ADAMTSL3: variants seen among roughly 807,000 people sequenced by gnomAD.
ADAMTSL3 encodes the protein ADAMTS-like protein 3.
Under a neutral mutation model 201.7 loss-of-function variants are expected in ADAMTSL3, and 128 were observed. That is an observed-to-expected ratio of 0.63 (90% CI 0.55 to 0.73). The LOEUF is 0.73. Among genes scored for constraint, ADAMTSL3 ranks in the 30% least tolerant of loss-of-function variants. The pLI is 0.00. For missense variants in ADAMTSL3, 1,990 were observed against 2,119.6 expected (o/e 0.94, Z 1.20); for synonymous variants, 738 against 748.4 (o/e 0.99, Z 0.23).
chr15:83,999,234 T>A (rs956715253), intron 23 of ADAMTSL3, among the ~76,000 whole-genome samples: 1 of 152,266 alleles, frequency 6.6e-6, no homozygotes. Context: ...ATTGTGTGAA[T>A]GTAGCATAAA....
chr15:83,924,593 G>C (rs1319339102), intron 17 of ADAMTSL3, among the ~76,000 whole-genome samples: 2 of 152,118 alleles, frequency 1.3e-5, no homozygotes, highest in African/African-American at 4.8e-5. Context: ...TTGGCTGATA[G>C]GTTTACCTTA....
intron 28 of ADAMTSL3, among the ~76,000 whole-genome samples, chr15:84,035,481 G>A (rs910668934): frequency 6.6e-6 from 1 of 152,086 alleles, no homozygotes; most frequent in African/African-American, 2.4e-5. Flanking sequence ...CATACCTACT[G>A]GGGAAAACAA....
chr15:83,698,717 C>T (rs1285222744), intron 2 of ADAMTSL3, among the ~76,000 whole-genome samples: 5 of 152,074 alleles, frequency 3.3e-5, no homozygotes, highest in African/African-American at 7.2e-5. Context: ...TTTCTGAAGC[C>T]GTGTGTGAAC....
intron 2 of ADAMTSL3, among the ~76,000 whole-genome samples, chr15:83,695,842 G>GA (rs1242528782): frequency 6.6e-6 from 1 of 152,028 alleles, no homozygotes; most frequent in Non-Finnish European, 1.5e-5. Flanking sequence ...CATTCTACTT[G>GA]AAAAACCAAA....
rs36062109 is a variant in ADAMTSL3, at chr15:83,853,906, C to CTCTATCTA, written c.728-4815_728-4808dup. ...TGGTTCATTATCCCTATCACTCTAT[C>CTCTATCTA]TCTATCTATCTATCTATCTATCTAT... is the stretch of plus-strand genomic sequence containing the variant. On this transcript the variant is annotated intron_variant, in intron 7 of 29. Transcript: ENST00000286744. 1.4e-3 allele frequency among the ~76,000 whole-genome samples: 203 copies of CTCTATCTA among 146,574 alleles called. 2 individuals are homozygous for CTCTATCTA. Among genetic ancestry groups the CTCTATCTA allele is most frequent in the Admixed American group, 3.6e-3 (53 of 14,544 alleles).
At chr15:83,871,118 G>T (rs1334842084) in intron 9 of ADAMTSL3, among the ~76,000 whole-genome samples, 159 bp downstream of exon 9, 1 of 152,178 alleles carries the variant, frequency 6.6e-6, no homozygotes, top group African/African-American at 2.4e-5. Context: ...CTTAAAAATT[G>T]TTCAGCACTC....
At chr15:83,970,328 A>T (rs1290025377) in intron 19 of ADAMTSL3, among the ~76,000 whole-genome samples, 156 bp from the exon 20 acceptor site, 1 of 152,142 alleles carries the variant, frequency 6.6e-6, no homozygotes, top group Non-Finnish European at 1.5e-5. Context: ...GAAACTCTCC[A>T]TGACATAAAA....
At chr15:83,725,036 C>T (rs895230831) in intron 3 of ADAMTSL3, among the ~76,000 whole-genome samples, 1 of 151,764 alleles carries the variant, frequency 6.6e-6, no homozygotes, top group Admixed American at 6.6e-5. Context: ...GATATCTCTT[C>T]GATATACTGA....
chr15:83,725,536 G>C lies in ADAMTSL3; in HGVS notation c.189+21028G>C, dbSNP rs539281798. Among the ~76,000 whole-genome samples the C allele has an allele frequency of 2.6e-5, 4 of 152,104 alleles. No homozygotes were observed. The South Asian group carries it at 8.3e-4, about 32-fold the overall frequency. ...AGTAGTTTCACAGTTTGAGGTCTTA[G>C]ACTTAAGAATTTAATCCATTTTGAT... On this transcript the variant is annotated intron_variant, in intron 3 of 29. Transcript: ENST00000286744.
At chr15:83,951,227 G>A (rs2066752122) in intron 19 of ADAMTSL3, among the ~76,000 whole-genome samples, 1 of 151,762 alleles carries the variant, frequency 6.6e-6, no homozygotes, top group African/African-American at 2.4e-5. Flanking sequence ...TTGTCATGAA[G>A]GGATGTTAAA....
chr15:83,928,770 G>A (rs1450257808), intron 17 of ADAMTSL3, among the ~76,000 whole-genome samples: 3 of 152,144 alleles, frequency 2.0e-5, no homozygotes, highest in African/African-American at 7.2e-5. Flanking sequence ...TTCAAGATAA[G>A]ATAACTTGAT....
chr15:83,792,523 C>A (rs2063359549), intron 4 of ADAMTSL3, among the ~76,000 whole-genome samples: 1 of 152,178 alleles, frequency 6.6e-6, no homozygotes, highest in African/African-American at 2.4e-5. Flanking sequence ...TGGGCTTATG[C>A]CTGTAATCCC....
At chr15:83,984,506 C>T (rs1367485005) in intron 21 of ADAMTSL3, among the ~76,000 whole-genome samples, 1 of 152,144 alleles carries the variant, frequency 6.6e-6, no homozygotes, top group Non-Finnish European at 1.5e-5. Context: ...AACCTTAAAA[C>T]ATAGCAGTTC....
chr15:83,940,741 A>C (rs568528293), intron 17 of ADAMTSL3, among the ~76,000 whole-genome samples: 1 of 152,174 alleles, frequency 6.6e-6, no homozygotes, highest in East Asian at 1.9e-4. Context: ...ATATATAACC[A>C]CATGCAAAAG....
intron 19 of ADAMTSL3, chr15:83,962,397 C>A (rs1307993873): frequency 6.6e-6 from 1 of 152,160 alleles, no homozygotes; most frequent in Non-Finnish European, 1.5e-5. Flanking sequence ...GTCAAATTGT[C>A]ATTAAAAATA....
chr15:83,858,230 C>T (rs1234593614), intron 7 of ADAMTSL3, among the ~76,000 whole-genome samples: 1 of 152,174 alleles, frequency 6.6e-6, no homozygotes, highest in Non-Finnish European at 1.5e-5. Context: ...CATCAAAGCA[C>T]ATGGATTGGG....
Position 83,873,840 on chromosome 15 carries a change from G to A in ADAMTSL3, c.960+2881G>A, listed in dbSNP as rs955913737. Among the ~76,000 whole-genome samples the A allele has an allele frequency of 1.4e-5, 2 of 146,038 alleles. 1 individual carries two copies. The highest frequency in any genetic ancestry group is 3.0e-5 in the Non-Finnish European group (2 of 66,876). On this transcript the variant is annotated intron_variant, in intron 9 of 29. Transcript: ENST00000286744. ...ATTTGACAGCAGTGGTATGGCAGGT[G>A]AGTGATTAGCAGGAGTGCAAGAGAA...
intron 19 of ADAMTSL3, among the ~76,000 whole-genome samples, chr15:83,950,433 G>A (rs999569421): frequency 6.6e-6 from 1 of 152,142 alleles, no homozygotes; most frequent in Non-Finnish European, 1.5e-5. Context: ...TTTGAAGTCA[G>A]ATAATGTGAT....
At chr15:83,695,966 G>A (rs1157762243) in intron 2 of ADAMTSL3, among the ~76,000 whole-genome samples, 1 of 152,032 alleles carries the variant, frequency 6.6e-6, no homozygotes, top group Non-Finnish European at 1.5e-5. Flanking sequence ...AAGTACTGCT[G>A]GTTAACTTGA....
Sources: gnomAD v4.1 joint callset for allele counts (sites outside exome capture counted in the v4.1 genomes callset) on GRCh38, gnomAD v4.1.1 for gene constraint, MANE v1.5 for transcripts, NCBI Gene and HGNC (gene_info 2026-07-23, HGNC 2026-07-21) for gene names.